The following MTMR12 variants were observed in gnomAD, a reference collection of about 807,000 sequenced individuals.
MTMR12 encodes myotubularin-related protein 12.
MTMR12 carries 33 observed loss-of-function variants against 96.7 expected under a neutral mutation model. The ratio of observed to expected loss-of-function variants is 0.34; its 90% confidence interval spans 0.26 to 0.46. The LOEUF (loss-of-function observed/expected upper bound fraction) is 0.46, where lower values mean the gene tolerates loss of function less well. Ranked by LOEUF, MTMR12 falls within the 20% of genes least tolerant of loss-of-function variation. MTMR12 has a pLI of 1.00. For synonymous variants in MTMR12, 298 were observed against 327.2 expected (o/e 0.91, Z 0.96); for missense variants, 721 against 896.1 (o/e 0.80, Z 2.49).
chr5:32,294,844 T>C (rs1581641307), intron 1 of MTMR12, among the ~76,000 whole-genome samples: 1 of 152,364 alleles, frequency 6.6e-6, no homozygotes, highest in South Asian at 2.1e-4. Flanking sequence ...GCATAGCTCT[T>C]GTGAAATTAA....
At chr5:32,244,470 A>C (rs1203201221) in intron 10 of MTMR12, among the ~76,000 whole-genome samples, 1 of 152,172 alleles carries the variant, frequency 6.6e-6, no homozygotes, top group African/African-American at 2.4e-5. Context: ...CCATGCCTGT[A>C]ATCCCAGCCA....
intron 15 of MTMR12, among the ~76,000 whole-genome samples, chr5:32,232,111 A>G (rs750773254): frequency 2.8e-4 from 43 of 152,318 alleles, no homozygotes; most frequent in Middle Eastern, 6.8e-3. Context: ...GCAGCTCTGC[A>G]GGCCAAAGCC....
At chr5:32,267,577 GT>G (rs1476992613) in intron 6 of MTMR12, among the ~76,000 whole-genome samples, 1 of 152,136 alleles carries the variant, frequency 6.6e-6, no homozygotes, top group Non-Finnish European at 1.5e-5. Flanking sequence ...GGAACTTCAA[GT>G]TTTGTCTTAC....
intron 1 of MTMR12, among the ~76,000 whole-genome samples, chr5:32,286,544 GC>G (rs1483503553): frequency 6.6e-6 from 1 of 151,414 alleles, no homozygotes; most frequent in African/African-American, 2.4e-5. Context: ...ATTGACTTTT[GC>G]CCTCACGAAA....
At chr5:32,296,169 A>AG (rs1750914622) in intron 1 of MTMR12, among the ~76,000 whole-genome samples, 1 of 152,016 alleles carries the variant, frequency 6.6e-6, no homozygotes, top group Non-Finnish European at 1.5e-5. Context: ...AAAAAAAAAA[A>AG]CAAACACTTT....
chr5:32,305,914 A>G (rs942795313), intron 1 of MTMR12, among the ~76,000 whole-genome samples: 5 of 151,962 alleles, frequency 3.3e-5, no homozygotes, highest in African/African-American at 1.2e-4. Flanking sequence ...AAAAAAAAAA[A>G]AAAATCTGGG....
intron 1 of MTMR12, among the ~76,000 whole-genome samples, chr5:32,278,522 T>C (rs10461909): frequency 0.3 from 44,859 of 151,946 alleles, 6,880 homozygotes; most frequent in East Asian, 0.46. Context: ...TCCTGAGAAC[T>C]CATTTTTGAG....
At chr5:32,311,647 A>G (rs1055619606) in intron 1 of MTMR12, among the ~76,000 whole-genome samples, 2 of 152,220 alleles carry the variant, frequency 1.3e-5, no homozygotes, top group Admixed American at 1.3e-4. Context: ...TTGGATTAAG[A>G]ACTATTGCTC....
intron 1 of MTMR12, among the ~76,000 whole-genome samples, chr5:32,283,512 G>C (rs2112112946): frequency 6.6e-6 from 1 of 152,262 alleles, no homozygotes; most frequent in Middle Eastern, 3.4e-3. Flanking sequence ...AAGACACCCT[G>C]CTAGTATGTG....
chr5:32,276,843 T>A, intron 1 of MTMR12, 101 bp from the exon 2 acceptor site: 3 of 479,716 alleles, frequency 6.3e-6, no homozygotes, highest in Non-Finnish European at 7.3e-6. Flanking sequence ...TCACATACCC[T>A]CAGGAGCTTT....
intron 2 of MTMR12, among the ~76,000 whole-genome samples, chr5:32,275,823 A>C (rs1750029430): frequency 1.3e-5 from 2 of 152,254 alleles, no homozygotes; most frequent in Admixed American, 1.3e-4. Flanking sequence ...ATAGAAAAAA[A>C]GCCTTTGACA....
At chr5:32,259,724 G>A (rs1368030094) in intron 7 of MTMR12, among the ~76,000 whole-genome samples, 1 of 152,138 alleles carries the variant, frequency 6.6e-6, no homozygotes, top group Admixed American at 6.6e-5. Context: ...ACTTAGCCTT[G>A]GGAAAGCTTG....
intron 13 of MTMR12, among the ~76,000 whole-genome samples, chr5:32,238,626 A>G (rs149698022): frequency 2.3e-3 from 352 of 152,270 alleles, no homozygotes; most frequent in African/African-American, 8.3e-3. Flanking sequence ...TCTGTAGAAA[A>G]CCTGCACCCT....
At chr5:32,239,559 C>A (rs1170518170) in intron 12 of MTMR12, among the ~76,000 whole-genome samples, 1 of 152,170 alleles carries the variant, frequency 6.6e-6, no homozygotes, top group Admixed American at 6.5e-5. Context: ...GCTCTTCCCT[C>A]CTAGGGTGTG....
intron 1 of MTMR12, among the ~76,000 whole-genome samples, chr5:32,294,876 TCCTA>T (rs1477082984): frequency 7.2e-5 from 11 of 152,206 alleles, no homozygotes; most frequent in African/African-American, 2.4e-4. Flanking sequence ...TATTAAAAAT[TCCTA>T]CCTAAGTGTA....
At chr5:32,252,337 TG>T (rs1193070057) in intron 8 of MTMR12, among the ~76,000 whole-genome samples, 1 of 152,214 alleles carries the variant, frequency 6.6e-6, no homozygotes, top group African/African-American at 2.4e-5. Context: ...AATGTCACTA[TG>T]GGAAGTTTTA....
At chr5:32,289,448 T>C (rs1750663724) in intron 1 of MTMR12, among the ~76,000 whole-genome samples, 1 of 152,164 alleles carries the variant, frequency 6.6e-6, no homozygotes, top group South Asian at 2.1e-4. Flanking sequence ...ATTTACGCAG[T>C]GGATCTTTCT....
intron 1 of MTMR12, among the ~76,000 whole-genome samples, chr5:32,307,325 A>G (rs978634226): frequency 2.0e-5 from 3 of 152,242 alleles, no homozygotes; most frequent in Non-Finnish European, 4.4e-5. Context: ...CCCTCCCTAG[A>G]GCAGAGCTCA....
chr5:32,240,508 C>T (rs1264596204), intron 12 of MTMR12, among the ~76,000 whole-genome samples: 1 of 152,138 alleles, frequency 6.6e-6, no homozygotes, highest in African/African-American at 2.4e-5. Flanking sequence ...CAAGCTTACA[C>T]TTCTCCCTCC....
Sources: gnomAD v4.1 joint callset for allele counts (sites outside exome capture counted in the v4.1 genomes callset) on GRCh38, gnomAD v4.1.1 for gene constraint, MANE v1.5 for transcripts, NCBI Gene and HGNC (gene_info 2026-07-23, HGNC 2026-07-21) for gene names.